PALLD: variants seen among roughly 807,000 people sequenced by gnomAD.
PALLD encodes the protein palladin.
A neutral mutation model predicts 123.5 loss-of-function variants in PALLD; 61 were observed. The observed-to-expected ratio is 0.49, with a 90% confidence interval of 0.40 to 0.61. PALLD has a LOEUF of 0.61. Among genes scored for constraint, PALLD ranks in the 20% least tolerant of loss-of-function variants. The probability of loss-of-function intolerance (pLI) is 0.00; values close to 1 mark genes in which losing one functional copy is unlikely to be tolerated. For missense variants in PALLD, 1,273 were observed against 1,377.0 expected (o/e 0.92, Z 1.20); for synonymous variants, 465 against 496.4 (o/e 0.94, Z 0.84).
At chr4:168,565,376 T>C (rs551355372) in intron 2 of PALLD, among the ~76,000 whole-genome samples, 9 of 152,096 alleles carry the variant, frequency 5.9e-5, no homozygotes, top group African/African-American at 9.7e-5. Context: ...ATTACACATG[T>C]GATGAGTGCA....
intron 10 of PALLD, among the ~76,000 whole-genome samples, chr4:168,834,503 C>T (rs913195400): frequency 1.1e-4 from 16 of 152,146 alleles, no homozygotes; most frequent in African/African-American, 3.9e-4. Flanking sequence ...CTTTGGGAGG[C>T]CGAGGCGGGC....
chr4:168,711,469 T>C, intron 9 of PALLD, 112 bp from the exon 10 acceptor site: 2 of 827,526 alleles, frequency 2.4e-6, no homozygotes, highest in South Asian at 2.9e-5. Flanking sequence ...AATCACCTCT[T>C]CTTTAACAAC....
chr4:168,835,891 T>C (rs924851489), intron 10 of PALLD, among the ~76,000 whole-genome samples: 1 of 152,042 alleles, frequency 6.6e-6, no homozygotes, highest in Non-Finnish European at 1.5e-5. Context: ...TAGAAAACAG[T>C]GACCCATTCT....
intron 1 of PALLD, among the ~76,000 whole-genome samples, chr4:168,501,748 T>A (rs1164011081): frequency 1.3e-5 from 2 of 152,164 alleles, no homozygotes; most frequent in African/African-American, 4.8e-5. Context: ...AAAGGACCAT[T>A]GACCTGAGCA....
intron 3 of PALLD, among the ~76,000 whole-genome samples, chr4:168,670,173 T>C (rs1780046337): frequency 6.6e-6 from 1 of 152,222 alleles, no homozygotes; most frequent in African/African-American, 2.4e-5. Context: ...TGTCTCCAAG[T>C]TCAGATAGAG....
At chr4:168,540,766 A>G (rs962843643) in intron 2 of PALLD, among the ~76,000 whole-genome samples, 1 of 152,004 alleles carries the variant, frequency 6.6e-6, no homozygotes, top group Non-Finnish European at 1.5e-5. Context: ...AGGCACTCCA[A>G]GCCCCCTTTT....
At chr4:168,784,832 C>T (rs1398766130) in intron 10 of PALLD, among the ~76,000 whole-genome samples, 2 of 152,162 alleles carry the variant, frequency 1.3e-5, no homozygotes, top group Non-Finnish European at 2.9e-5. Context: ...ATTTTCCCAT[C>T]TTGAGCAGAC....
intron 15 of PALLD, among the ~76,000 whole-genome samples, chr4:168,911,746 G>A (rs1364204778): frequency 6.6e-6 from 1 of 152,132 alleles, no homozygotes; most frequent in East Asian, 1.9e-4. Context: ...AGTGGCCTGT[G>A]CTTCAGGTAC....
At chr4:168,828,047 A>G (rs1743667405) in intron 10 of PALLD, among the ~76,000 whole-genome samples, 1 of 152,214 alleles carries the variant, frequency 6.6e-6, no homozygotes, top group African/African-American at 2.4e-5. Flanking sequence ...TCTCAAAACA[A>G]CAACAACAAA....
In PALLD at chr4:168,745,899, A is replaced by G. The variant is rs1362482328; in HGVS notation, c.1964+33976A>G. 4.6e-5 allele frequency among the ~76,000 whole-genome samples: 7 copies of G among 152,126 alleles called. No homozygotes were observed. The East Asian group carries it at 1.3e-3, about 29-fold the overall frequency. On this transcript the variant is annotated intron_variant, in intron 10 of 21. Coordinates refer to ENST00000505667, the MANE Select transcript of PALLD (RefSeq NM_001166108.2). ...ATGGATAAAACTTTTCCAATTTTAA[A>G]ATAAAAATTATTTTCTGAATGTGCT...
chr4:168,506,450 T>C (rs1417515709), intron 1 of PALLD, among the ~76,000 whole-genome samples: 1 of 152,004 alleles, frequency 6.6e-6, no homozygotes, highest in Non-Finnish European at 1.5e-5. Flanking sequence ...CCTTTAACAA[T>C]GAAAGAACTG....
intron 2 of PALLD, among the ~76,000 whole-genome samples, chr4:168,550,138 A>G (rs962486262): frequency 2.0e-4 from 31 of 152,198 alleles, no homozygotes; most frequent in African/African-American, 7.5e-4. Context: ...ATCAGCAAAT[A>G]CTTAGGATAA....
At chr4:168,577,231 T>C (rs941964581) in intron 2 of PALLD, among the ~76,000 whole-genome samples, 3 of 152,102 alleles carry the variant, frequency 2.0e-5, no homozygotes, top group Admixed American at 6.6e-5. Flanking sequence ...CTCAGCAGTG[T>C]ATGAGTGGTT....
intron 2 of PALLD, among the ~76,000 whole-genome samples, chr4:168,548,125 G>T (rs942962299): frequency 9.2e-5 from 14 of 151,890 alleles, no homozygotes. Flanking sequence ...CCAACTACAC[G>T]TCAGACCCAA....
chr4:168,691,182 T>C, intron 7 of PALLD, 87 bp from the exon 8 acceptor site: 2 of 911,816 alleles, frequency 2.2e-6, no homozygotes, highest in East Asian at 2.4e-5. Context: ...GACAAGGTAA[T>C]GGAAAGGAAC....
At chr4:168,709,288 T>C (rs1326733258) in intron 9 of PALLD, 141 bp downstream of exon 9, 2 of 816,434 alleles carry the variant, frequency 2.4e-6, no homozygotes, top group Non-Finnish European at 2.0e-6. Context: ...GGCAGGCAGA[T>C]CACTTGAGGT....
At chr4:168,569,811 A>T (rs1165984885) in intron 2 of PALLD, among the ~76,000 whole-genome samples, 1 of 152,056 alleles carries the variant, frequency 6.6e-6, no homozygotes, top group Non-Finnish European at 1.5e-5. Flanking sequence ...AATTGACCAC[A>T]CCCTTCATTA....
intron 3 of PALLD, among the ~76,000 whole-genome samples, chr4:168,679,189 G>A (rs1386088638): frequency 3.2e-5 from 4 of 125,688 alleles, no homozygotes; most frequent in Admixed American, 3.2e-4. Context: ...GGGTGTGTGT[G>A]TGGTGGGGTG....
chr4:168,673,196 A>G (rs1393854157), intron 3 of PALLD, among the ~76,000 whole-genome samples: 1 of 152,142 alleles, frequency 6.6e-6, no homozygotes, highest in Non-Finnish European at 1.5e-5. Context: ...CTGCACGAAC[A>G]CTCCAGAAGG....
Sources: gnomAD v4.1 joint callset for allele counts (sites outside exome capture counted in the v4.1 genomes callset) on GRCh38, gnomAD v4.1.1 for gene constraint, MANE v1.5 for transcripts, NCBI Gene and HGNC (gene_info 2026-07-23, HGNC 2026-07-21) for gene names.